PER3: variants seen among roughly 807,000 people sequenced by gnomAD.
PER3 encodes the protein period circadian regulator 3, also known as period circadian protein homolog 3.
Under a neutral mutation model 127.2 loss-of-function variants are expected in PER3, and 107 were observed. That is an observed-to-expected ratio of 0.84 (90% confidence interval 0.72 to 0.99). The LOEUF (loss-of-function observed/expected upper bound fraction) is 0.99. Among genes scored for constraint, PER3 ranks in the 50% least tolerant of loss-of-function variants. The pLI is 0.00. For missense variants in PER3, 1,560 were observed against 1,525.8 expected (o/e 1.02, Z -0.37); for synonymous variants, 618 against 585.8 (o/e 1.05, Z -0.79).
At position 7,804,717 on chromosome 1, in the gene PER3, A is replaced by C. The variant is rs1577733226; in HGVS notation, c.1136+869A>C. Among the ~76,000 whole-genome samples the C allele has an allele frequency of 2.7e-5, 4 of 150,882 alleles. No homozygotes were observed. In the South Asian group the frequency reaches 8.4e-4, roughly 32 times the overall value. The stretch of plus-strand genomic sequence containing the variant: ...GCGCCCGGACTGTGTCCATTTTTTA[A>C]TACTTCTTTTCCTGCCAGCACAGCT... On this transcript the variant is annotated intron_variant, in intron 10 of 21. Transcript: ENST00000377532.
rs1452621134 is a variant in PER3, at chr1:7,826,958, TA to T, written c.2189-159del. ...AAGTTTATTTGATAGCAACTATTTT[TA>T]TCCGGAATTTTGTTCATCTTTTTAG... On this transcript the variant is annotated intron_variant, in intron 17 of 21. Transcript: ENST00000377532. The surrounding 1 kb of genome is among the most constrained non-coding windows in gnomAD (Gnocchi z 4.2). The T allele has an allele frequency of 4.6e-6, 3 of 649,276 alleles. No individual in the cohort carries two copies. The highest frequency in any genetic ancestry group is 7.9e-6 in the Non-Finnish European group (3 of 377,524). The allele number at this position is 649,276 out of a possible 1,614,324, so 40.2% of individuals were successfully genotyped here. A position where few individuals can be genotyped will look rare whatever the true frequency, so the allele number is the denominator to read the frequency against.
In PER3 at chr1:7,784,827, G is replaced by A. The variant is rs1255328842; in HGVS notation, c.-51G>A. ...TCACTGACTGCAAAGTGAGCGAGAAGCAGGCTGCGGGCCGTCCCAGCACGA... is the reference window on the plus strand; with the variant it reads ...TCACTGACTGCAAAGTGAGCGAGAAACAGGCTGCGGGCCGTCCCAGCACGA... On this transcript the variant is annotated 5_prime_UTR_variant, in exon 2 of 22. Transcript: ENST00000377532. 6.4e-6 allele frequency: 9 copies of A among 1,401,298 alleles called. No individual in the cohort carries two copies. The highest frequency in any genetic ancestry group is 3.8e-5 in the Admixed American group (1 of 26,194). 86.8% of individuals were successfully genotyped at this position (1,401,298 alleles called of 1,614,324 possible). A position where few individuals can be genotyped will look rare whatever the true frequency, so the allele number is the denominator to read the frequency against.
chr1:7,820,710 C>A, intron 16 of PER3, 70 bp downstream of exon 16: 1 of 1,255,442 alleles, frequency 8.0e-7, no homozygotes, highest in South Asian at 1.5e-5. Flanking sequence ...AAACAAAAGT[C>A]ATGAATACCA....
intron 5 of PER3, among the ~76,000 whole-genome samples, chr1:7,791,018 T>C (rs1433549893): frequency 6.6e-6 from 1 of 152,222 alleles, no homozygotes; most frequent in Non-Finnish European, 1.5e-5. Context: ...TGAGTGTCTG[T>C]GGCTTTTCTG....
In PER3 at chr1:7,840,607, C is replaced by T. The variant is rs560902053; in HGVS notation, c.3550-2065C>T. 3.8e-4 allele frequency among the ~76,000 whole-genome samples: 57 copies of T among 149,812 alleles called. 1 individual carries two copies. The highest frequency in any genetic ancestry group is 1.7e-3 in the South Asian group (8 of 4,730). Reference sequence around the variant, plus strand: ...TGCTAGGATTATAGGTATGAGCCACCGCACCCAGCTTTTTCTTTTTCTTTC... The same window carrying T: ...TGCTAGGATTATAGGTATGAGCCACTGCACCCAGCTTTTTCTTTTTCTTTC... On this transcript the variant is annotated intron_variant, in intron 21 of 21. Coordinates refer to ENST00000377532, the MANE Select transcript of PER3 (RefSeq NM_001377275.1).
At chr1:7,833,587 AT>A (rs1284807705) in intron 19 of PER3, among the ~76,000 whole-genome samples, 1 of 151,942 alleles carries the variant, frequency 6.6e-6, no homozygotes, top group African/African-American at 2.4e-5. Flanking sequence ...TACATGGTAA[AT>A]TTTTTTCATC....
chr1:7,818,084 G>A (rs2097259661), intron 13 of PER3, among the ~76,000 whole-genome samples: 2 of 152,106 alleles, frequency 1.3e-5, no homozygotes, highest in African/African-American at 2.4e-5. Flanking sequence ...AACTCAAATC[G>A]AAGGCCATCC....
In PER3 at chr1:7,812,624, C is replaced by CAAAAAAAAAAAA. The variant is rs35962033; in HGVS notation, c.1522+2050_1522+2061dup. ...TGGGCAACAGAGCAAGACTCCGTCT[C>CAAAAAAAAAAAA]AAAAAAAAAAAAAAAAAAAAAAAAA... On this transcript the variant is annotated intron_variant, in intron 13 of 21. Transcript: ENST00000377532. 3.3e-4 allele frequency among the ~76,000 whole-genome samples: 28 copies of CAAAAAAAAAAAA among 85,408 alleles called. 1 individual carries two copies. The highest frequency in any genetic ancestry group is 1.5e-3 in the African/African-American group (28 of 19,104). The allele number at this position is 85,408 out of a possible 152,430, so 56.0% of individuals were successfully genotyped here.
At chr1:7,798,183 T>C (rs2097154348) in intron 6 of PER3, among the ~76,000 whole-genome samples, 1 of 152,212 alleles carries the variant, frequency 6.6e-6, no homozygotes, top group Non-Finnish European at 1.5e-5. Context: ...GTTGTAGATA[T>C]GTGAAATGAG....
Position 7,842,930 on chromosome 1 carries a change from C to A in PER3, c.*175C>A. 1 of 423,602 alleles carries A rather than the reference C, an allele frequency of 2.4e-6. No individual in the cohort carries two copies. The highest frequency in any genetic ancestry group is 4.2e-6 in the Non-Finnish European group (1 of 240,134). The allele number at this position is 423,602 out of a possible 1,614,324, so 26.2% of individuals were successfully genotyped here. A position where few individuals can be genotyped will look rare whatever the true frequency, so the allele number is the denominator to read the frequency against. The stretch of plus-strand genomic sequence containing the variant: ...AGCAGACATTGTATACAGAATCTTA[C>A]TTCTCTTTGTTCCTGATATATTAAA... On this transcript the variant is annotated 3_prime_UTR_variant, in exon 22 of 22. Transcript: ENST00000377532.
rs1292282226 is a variant in PER3, at chr1:7,788,041, A to G, written c.391-4A>G. The G allele has an allele frequency of 3.8e-6, 6 of 1,599,302 alleles. No homozygotes were observed. In the Admixed American group the frequency reaches 5.0e-5, roughly 13 times the overall value. On this transcript the variant is annotated splice_polypyrimidine_tract_variant and splice_region_variant and intron_variant, in intron 4 of 21. Transcript: ENST00000377532. ...TTTGCATTTATTTTAAATGTTTTTC[A>G]TAGGATACCTTTGTGGCAGTATTTT...
intron 13 of PER3, among the ~76,000 whole-genome samples, chr1:7,812,381 C>T (rs886266764): frequency 2.6e-5 from 4 of 151,482 alleles, no homozygotes; most frequent in African/African-American, 7.3e-5. Context: ...AATCCCAGCA[C>T]TTTGGGAGCC....
intron 11 of PER3, among the ~76,000 whole-genome samples, chr1:7,809,199 G>A (rs965266501): frequency 1.3e-5 from 2 of 151,868 alleles, no homozygotes; most frequent in African/African-American, 4.8e-5. Context: ...GAATATTTTT[G>A]TAAGAACCCA....
chr1:7,838,928 C>T (rs916164944), intron 21 of PER3, among the ~76,000 whole-genome samples: 4 of 152,062 alleles, frequency 2.6e-5, no homozygotes, highest in Non-Finnish European at 4.4e-5. Flanking sequence ...GAATTTAGCC[C>T]ATTTACATTT....
intron 18 of PER3, among the ~76,000 whole-genome samples, chr1:7,828,711 T>TA (rs1316933467): frequency 1.3e-5 from 2 of 152,230 alleles, no homozygotes; most frequent in Non-Finnish European, 2.9e-5. Context: ...AAGATTCACT[T>TA]AGACAAGTTA....
At chr1:7,801,997 C>G (rs1276420594) in intron 8 of PER3, among the ~76,000 whole-genome samples, 1 of 152,004 alleles carries the variant, frequency 6.6e-6, no homozygotes, top group Non-Finnish European at 1.5e-5. Flanking sequence ...ATAATGTCTA[C>G]CCTGAAACCA....
intron 14 of PER3, among the ~76,000 whole-genome samples, chr1:7,819,770 C>T (rs1006231845): frequency 2.7e-5 from 4 of 149,598 alleles, no homozygotes; most frequent in Middle Eastern, 3.2e-3. Flanking sequence ...TTTCTTAAAA[C>T]GTTATGAGAT....
At chr1:7,834,007 C>G (rs61773391) in intron 19 of PER3, among the ~76,000 whole-genome samples, 23,878 of 152,106 alleles carry the variant, frequency 0.16, 2,126 homozygotes, top group Admixed American at 0.19. Flanking sequence ...ACTGCACCCT[C>G]CACCTCCTAG....
chr1:7,805,574 C>T (rs2097189363), intron 10 of PER3, among the ~76,000 whole-genome samples: 1 of 152,192 alleles, frequency 6.6e-6, no homozygotes, highest in Non-Finnish European at 1.5e-5. Context: ...TTAAGAAATA[C>T]AGCTGCCAAG....
Sources: gnomAD v4.1 joint callset for allele counts (sites outside exome capture counted in the v4.1 genomes callset) on GRCh38, gnomAD v4.1.1 for gene constraint, Gnocchi (gnomAD v3.1) non-coding constraint, MANE v1.5 for transcripts, NCBI Gene and HGNC (gene_info 2026-07-23, HGNC 2026-07-21) for gene names.